Variants in TKT observed in about 807,000 individuals in gnomAD.
TKT encodes the protein transketolase, also known as epididymis luminal protein 107.
TKT carries 47 observed loss-of-function variants against 63.9 expected under a neutral mutation model. That is an observed-to-expected ratio of 0.74 (90% CI 0.58 to 0.94). The LOEUF (loss-of-function observed/expected upper bound fraction) is 0.94, where lower values mean the gene tolerates loss of function less well. TKT is among the 40% of genes least tolerant of loss of function. The pLI is 0.00. For synonymous variants in TKT, 338 were observed against 334.1 expected, an observed-to-expected ratio of 1.01 and a Z score of -0.13; for missense variants, 721 against 846.2, an observed-to-expected ratio of 0.85 and a Z score of 1.84.
At chr3:53,249,059 C>CG (rs1559659777) in intron 1 of TKT, among the ~76,000 whole-genome samples, 1 of 151,880 alleles carries the variant, frequency 6.6e-6, no homozygotes, top group Non-Finnish European at 1.5e-5. Context: ...CTCCGCCTCC[C>CG]GGGTTCAAGC....
intron 4 of TKT, among the ~76,000 whole-genome samples, chr3:53,236,999 G>A (rs1039389563): frequency 6.6e-6 from 1 of 152,216 alleles, no homozygotes; most frequent in African/African-American, 2.4e-5. Context: ...GTTGTAGAAC[G>A]ATTTGGAAAC....
At position 53,234,952 on chromosome 3, in the gene TKT, G is replaced by T; in HGVS notation, c.629+31C>A. On this transcript the variant is annotated intron_variant, in intron 5 of 13. Transcript: ENST00000462138. ...ATCACAGACCACTCTCCCGTGCTGTGACCACACTCAGGCCACAGCCTCGTA... is the reference window on the plus strand; with the variant it reads ...ATCACAGACCACTCTCCCGTGCTGTTACCACACTCAGGCCACAGCCTCGTA... 3 of 1,581,242 alleles carry T rather than the reference G, an allele frequency of 1.9e-6. No individual in the cohort carries two copies. In the South Asian group the frequency reaches 3.5e-5, roughly 18 times the overall value.
chr3:53,228,064 A>G lies in TKT; in HGVS notation c.1565T>C (p.Leu522Pro). Residue 522 changes from leucine (L) to proline (P), a missense_variant, in exon 12 of 14, where the codon CTG becomes CCG. Leu to Pro is a moderately conservative substitution (Grantham distance 98, BLOSUM62 -3). Transcript: ENST00000462138. Reference protein sequence around the residue: ...LHEALAAAELLKKEKINIRVL... With the variant: ...LHEALAAAELPKKEKINIRVL... ...AGGCCCCTTCTCCTCACCTTTCTTC[A>G]GCAGTTCGGCAGCGGCCAAGGCCTC... 6.2e-7 allele frequency: 1 copy of G among 1,612,592 alleles called. No homozygotes were observed. Among genetic ancestry groups the G allele is most frequent in the Non-Finnish European group, 8.5e-7 (1 of 1,179,928 alleles).
intron 1 of TKT, 78 bp from the exon 2 acceptor site, chr3:53,242,320 C>A (rs1705318424): frequency 7.1e-7 from 1 of 1,401,772 alleles, no homozygotes; most frequent in African/African-American, 1.4e-5. Context: ...TGTACAGGGA[C>A]CTGGGGGTGC....
At chr3:53,247,149 G>C (rs1705544920) in intron 1 of TKT, among the ~76,000 whole-genome samples, 1 of 151,638 alleles carries the variant, frequency 6.6e-6, no homozygotes, top group Non-Finnish European at 1.5e-5. Flanking sequence ...CTGAGGTCAG[G>C]AGTCTGAGAC....
rs2106744382 is a variant in TKT, at chr3:53,256,004, G to A, written c.-62C>T. 8.3e-7 allele frequency: 1 copy of A among 1,201,228 alleles called. No individual in the cohort carries two copies. 74.4% of individuals were successfully genotyped at this position (1,201,228 alleles called of 1,614,324 possible). A position where few individuals can be genotyped will look rare whatever the true frequency, so the allele number is the denominator to read the frequency against. Reference sequence around the variant, plus strand: ...CACAGAGATAGCGGCTGCTCCCGCGGCGACAGGCGGCTGCCGAGGCCGGGC... The same window carrying A: ...CACAGAGATAGCGGCTGCTCCCGCGACGACAGGCGGCTGCCGAGGCCGGGC... On this transcript the variant is annotated 5_prime_UTR_variant, in exon 1 of 14. Coordinates refer to ENST00000462138, the MANE Select transcript of TKT (RefSeq NM_001064.4).
Position 53,240,200 on chromosome 3 carries a change from G to A in TKT, c.437+51C>T, listed in dbSNP as rs185198540. 2.1e-4 allele frequency: 336 copies of A among 1,567,132 alleles called. 1 individual carries two copies. The highest frequency in any genetic ancestry group is 2.4e-4 in the Non-Finnish European group (279 of 1,143,082). Reference sequence around the variant, plus strand: ...CGATGGTGAAGGGTGGGTCACCCAAGGACCACTCCCCAAAACTACCCAGGT... The same window carrying A: ...CGATGGTGAAGGGTGGGTCACCCAAAGACCACTCCCCAAAACTACCCAGGT... On this transcript the variant is annotated intron_variant, in intron 4 of 13. Coordinates refer to ENST00000462138, the MANE Select transcript of TKT (RefSeq NM_001064.4).
In TKT at chr3:53,233,138, C is replaced by A; in HGVS notation, c.748+18G>T. The A allele has an allele frequency of 2.5e-6, 4 of 1,606,420 alleles. No individual in the cohort carries two copies. The highest frequency in any genetic ancestry group is 3.4e-6 in the Non-Finnish European group (4 of 1,174,500). ...GGGCGAGGGGTGAAGGTGGGGAGGG[C>A]GGCTTGTGCATACTGACCCGTGATC... On this transcript the variant is annotated intron_variant, in intron 6 of 13. Transcript: ENST00000462138.
intron 1 of TKT, among the ~76,000 whole-genome samples, chr3:53,244,540 C>A (rs1553680565): frequency 1.3e-5 from 2 of 152,220 alleles, no homozygotes; most frequent in Non-Finnish European, 1.5e-5. Flanking sequence ...TGGCCACAGG[C>A]AGGCAAGAGG....
chr3:53,226,304 A>T (rs1704495956), intron 13 of TKT: 2 of 263,742 alleles, frequency 7.6e-6, no homozygotes, highest in Non-Finnish European at 1.5e-5. Context: ...CACTGTCCAT[A>T]GTCCAATTAT....
chr3:53,234,676 C>A lies in TKT; in HGVS notation c.629+307G>T, dbSNP rs543158216. On this transcript the variant is annotated intron_variant, in intron 5 of 13. Transcript: ENST00000462138. The stretch of plus-strand genomic sequence containing the variant: ...AGCTTTACCGAGCAAGCCCCCATCC[C>A]TCAAGAACCCTCCTTCCTCAAGAAC... 4 of 260,696 alleles carry A rather than the reference C, an allele frequency of 1.5e-5. No homozygotes were observed. The South Asian group carries it at 2.5e-4, about 16-fold the overall frequency. 16.1% of individuals were successfully genotyped at this position (260,696 alleles called of 1,614,324 possible).
Position 53,240,303 on chromosome 3 carries a change from G to A in TKT, c.385C>T (p.Leu129Phe), listed in dbSNP as rs1705217234. 2 of 1,613,234 alleles carry A rather than the reference G, an allele frequency of 1.2e-6. No homozygotes were observed. The highest frequency in any genetic ancestry group is 2.2e-5 in the East Asian group (1 of 44,866). The change falls in exon 4 of 14, where the codon CTC (leucine) becomes TTC (phenylalanine). Residue 129 changes from leucine to phenylalanine, a missense_variant. Physicochemically the swap from Leu to Phe is conservative, Grantham distance 22 (BLOSUM62 0). Coordinates refer to ENST00000462138, the MANE Select transcript of TKT (RefSeq NM_001064.4). ...TAGGCCATCCCACAAGCGGCCCCGA[G>A]GCCCTGGCCCAGGGAGCCAGTGGCC... ...DVATGSLGQG[L>F]GAACGMAYTG...
chr3:53,251,967 T>A (rs1705769294), intron 1 of TKT, among the ~76,000 whole-genome samples: 1 of 152,154 alleles, frequency 6.6e-6, no homozygotes, highest in Non-Finnish European at 1.5e-5. Context: ...AGAAACCCCG[T>A]CTCTACGGGG....
chr3:53,229,251 C>T, intron 9 of TKT, 29 bp downstream of exon 9: 2 of 1,613,654 alleles, frequency 1.2e-6, no homozygotes, highest in Non-Finnish European at 1.7e-6. Flanking sequence ...CAAGGGAGCT[C>T]CAGGTGTAAA....
In TKT at chr3:53,228,066, C is replaced by T; in HGVS notation, c.1563G>A (p.Leu521=). 1 of 1,612,658 alleles carries T rather than the reference C, an allele frequency of 6.2e-7. No homozygotes were observed. Among genetic ancestry groups the T allele is most frequent in the Non-Finnish European group, 8.5e-7 (1 of 1,179,960 alleles). ...GCCCCTTCTCCTCACCTTTCTTCAG[C>T]AGTTCGGCAGCGGCCAAGGCCTCGT... ...TLHEALAAAE[L]LKKEKINIRV... The change falls in exon 12 of 14, where the codon CTG becomes CTA. Residue 521 remains leucine, a synonymous_variant. Transcript: ENST00000462138.
At position 53,229,487 on chromosome 3, in the gene TKT, C is replaced by T. The variant is rs782499868; in HGVS notation, c.1108-51G>A. On this transcript the variant is annotated intron_variant, in intron 8 of 13. Transcript: ENST00000462138. Reference sequence around the variant, plus strand: ...CCCAAAGGGGCAGGCAGAGGGTGGTCGGGGAGCCTAGGACCCCTTTTGTGG... The same window carrying T: ...CCCAAAGGGGCAGGCAGAGGGTGGTTGGGGAGCCTAGGACCCCTTTTGTGG... 72 of 1,558,682 alleles carry T rather than the reference C, an allele frequency of 4.6e-5. 1 individual carries two copies. The Admixed American group carries it at 8.6e-4, about 19-fold the overall frequency.
Position 53,242,161 on chromosome 3 carries a change from G to A in TKT, c.189C>T (p.Pro63=). The change falls in exon 2 of 14, where the codon CCC becomes CCT. Residue 63 remains proline, a synonymous_variant. Coordinates refer to ENST00000462138, the MANE Select transcript of TKT (RefSeq NM_001064.4). ...FHTMRYKSQD[P]RNPHNDRFVL... is the part of the protein sequence containing the mutation. The stretch of plus-strand genomic sequence containing the variant: ...CAAAGCGGTCATTGTGCGGATTCCG[G>A]GGGTCCTGGGACTTGTAGCGCATGG... 3 of 1,614,160 alleles carry A rather than the reference G, an allele frequency of 1.9e-6. No homozygotes were observed. The highest frequency in any genetic ancestry group is 2.5e-6 in the Non-Finnish European group (3 of 1,180,036).
At chr3:53,227,003 C>A (rs41275535) in intron 12 of TKT, 125 bp from the exon 13 acceptor site, 3 of 1,262,394 alleles carry the variant, frequency 2.4e-6, no homozygotes, top group East Asian at 2.5e-5. Flanking sequence ...GGGCCTGTCC[C>A]TGTCCCAGGG....
At chr3:53,233,398 C>T (rs1428900231) in intron 5 of TKT, 124 bp from the exon 6 acceptor site, 25 of 595,924 alleles carry the variant, frequency 4.2e-5, no homozygotes, top group Non-Finnish European at 6.7e-5. Context: ...ACTGCGGCCT[C>T]AGCTGGAGTA....
Sources: allele counts gnomAD v4.1 joint callset (sites outside exome capture counted in the v4.1 genomes callset), GRCh38; gene constraint gnomAD v4.1.1; transcripts MANE v1.5; gene names NCBI Gene and HGNC (gene_info 2026-07-23, HGNC 2026-07-21).